Variants in RAD23B observed in about 807,000 individuals in gnomAD.
RAD23B encodes RAD23 nucleotide excision repair protein B.
A neutral mutation model predicts 49.1 loss-of-function variants in RAD23B; 5 were observed. The ratio of observed to expected loss-of-function variants is 0.10; its 90% confidence interval spans 0.05 to 0.21. The LOEUF is 0.21. RAD23B is among the 10% of genes least tolerant of loss of function. RAD23B has a pLI of 1.00. For missense variants in RAD23B, 356 were observed against 486.7 expected, an observed-to-expected ratio of 0.73 and a Z score of 2.53; for synonymous variants, 184 against 165.4, an observed-to-expected ratio of 1.11 and a Z score of -0.86.
rs1827046138 is a variant in RAD23B at position 107,318,731 on chromosome 9, C to G, written c.554-21C>G. 1 of 1,588,648 alleles carries G rather than the reference C, an allele frequency of 6.3e-7. No homozygotes were observed. The highest frequency in any genetic ancestry group is 1.4e-5 in the African/African-American group (1 of 73,774). The stretch of plus-strand genomic sequence containing the variant: ...TATTTATTAAATGTTCCTTTTTTTC[C>G]CCTCCACCCTCCCTTTTTAGTGACG... On this transcript the variant is annotated intron_variant, in intron 5 of 9. Coordinates refer to ENST00000358015, the MANE Select transcript of RAD23B (RefSeq NM_002874.5). This position sits in a 1 kb window ranked among gnomAD's most constrained non-coding sequence, Gnocchi z 4.3.
chr9:107,301,903 G>A, intron 2 of RAD23B, 132 bp from the exon 3 acceptor site: 2 of 1,278,176 alleles, frequency 1.6e-6, no homozygotes, highest in Non-Finnish European at 2.1e-6. Flanking sequence ...AGTATTAACT[G>A]ATAGAATTTA....
intron 3 of RAD23B, 109 bp from the exon 4 acceptor site, chr9:107,306,269 AG>A (rs1401013223): frequency 2.0e-6 from 2 of 976,594 alleles, no homozygotes; most frequent in Non-Finnish European, 3.0e-6. Flanking sequence ...TTCAAGTTAT[AG>A]GTTGTTATTA....
rs965865566 is a variant in RAD23B, at chr9:107,293,381, C to G, written c.67-6760C>G. On this transcript the variant is annotated intron_variant, in intron 1 of 9. Transcript: ENST00000358015. ...TCTTGGGTGTTGGCTACTACAACCT[C>G]ATAGAGATGTAGTACAGATTAAAAG... is the stretch of plus-strand genomic sequence containing the variant. 1.1e-4 allele frequency among the ~76,000 whole-genome samples: 16 copies of G among 152,278 alleles called. No individual in the cohort carries two copies. The East Asian group carries it at 3.1e-3, about 29-fold the overall frequency.
intron 1 of RAD23B, among the ~76,000 whole-genome samples, chr9:107,295,243 G>C (rs576909651): frequency 2.0e-5 from 3 of 151,110 alleles, no homozygotes; most frequent in Non-Finnish European, 4.4e-5. Context: ...ATTAGATTGT[G>C]GGGGGAGAGA....
intron 4 of RAD23B, 104 bp downstream of exon 4, chr9:107,306,751 A>T (rs1826786498): frequency 7.0e-6 from 9 of 1,278,442 alleles, no homozygotes; most frequent in Non-Finnish European, 6.5e-6. Context: ...TATATCTATT[A>T]CGTTAAGCTT....
intron 5 of RAD23B, among the ~76,000 whole-genome samples, chr9:107,315,650 A>T (rs1454211664): frequency 6.6e-6 from 1 of 151,972 alleles, no homozygotes; most frequent in Admixed American, 6.6e-5. Context: ...AGTAGCTGGG[A>T]TTACAGGCGC....
rs1384142392 is a variant in RAD23B at position 107,323,886 on chromosome 9, T to G, written c.818-4T>G. 6.2e-7 allele frequency: 1 copy of G among 1,603,666 alleles called. No homozygotes were observed. The highest frequency in any genetic ancestry group is 1.7e-5 in the Admixed American group (1 of 60,002). On this transcript the variant is annotated splice_region_variant and splice_polypyrimidine_tract_variant and intron_variant, in intron 7 of 9. Transcript: ENST00000358015. ...TTGTTTAGAAATGTTTATGTGTATT[T>G]TAGGACATCCCCTTGAATTTTTACG... is the stretch of plus-strand genomic sequence containing the variant.
chr9:107,298,010 A>G lies in RAD23B; in HGVS notation c.67-2131A>G, dbSNP rs557054571. ...CCCACTCCATGCCAAGCCACTATGT[A>G]TTGTTCTGAGAACTGGGTTTATGCA... On this transcript the variant is annotated intron_variant, in intron 1 of 9. Transcript: ENST00000358015. Among the ~76,000 whole-genome samples, 333 of 152,268 alleles carry G rather than the reference A, an allele frequency of 2.2e-3. 1 individual carries two copies. The highest frequency in any genetic ancestry group is 3.6e-3 in the Admixed American group (55 of 15,292).
intron 7 of RAD23B, 151 bp downstream of exon 7, chr9:107,322,269 A>G (rs192636418): frequency 4.1e-5 from 42 of 1,015,366 alleles, no homozygotes; most frequent in Admixed American, 1.1e-4. Flanking sequence ...AGAAAGGCCC[A>G]AAAGAAACTT....
In RAD23B at chr9:107,328,074, A is replaced by G. The variant is rs546173053; in HGVS notation, c.1117-1469A>G. Among the ~76,000 whole-genome samples the G allele has an allele frequency of 2.0e-5, 3 of 152,132 alleles. No individual in the cohort carries two copies. In the South Asian group the frequency reaches 6.2e-4, roughly 32 times the overall value. The stretch of plus-strand genomic sequence containing the variant: ...TACTTTCAACCTACTTGTGTCTTTG[A>G]ATCTAAATTGTGTGTTTTGTAGAAG... On this transcript the variant is annotated intron_variant, in intron 9 of 9. Transcript: ENST00000358015.
intron 2 of RAD23B, among the ~76,000 whole-genome samples, chr9:107,300,478 T>C (rs1454063191): frequency 6.6e-6 from 1 of 152,114 alleles, no homozygotes; most frequent in Admixed American, 6.5e-5. Context: ...GGCTTTTGTT[T>C]TTTTAATCAA....
intron 1 of RAD23B, among the ~76,000 whole-genome samples, chr9:107,294,663 T>TG (rs1826461317): frequency 1.3e-5 from 2 of 152,212 alleles, no homozygotes; most frequent in Non-Finnish European, 2.9e-5. Context: ...TTAGACACAG[T>TG]TCTTCTACAG....
At chr9:107,312,597 G>A (rs1304139149) in intron 5 of RAD23B, among the ~76,000 whole-genome samples, 1 of 152,156 alleles carries the variant, frequency 6.6e-6, no homozygotes, top group African/African-American at 2.4e-5. Context: ...GATCGCCTGG[G>A]TGTGACAACC....
In RAD23B at chr9:107,283,571, AC is replaced by A; in HGVS notation, c.-55del. On this transcript the variant is annotated 5_prime_UTR_variant, in exon 1 of 10. Coordinates refer to ENST00000358015, the MANE Select transcript of RAD23B (RefSeq NM_002874.5). ...ACCCCGGGGCCCCGCCAGGCCACAG[AC>A]CCCGCCCAGCGGCCAGCACCCGGCG... The A allele has an allele frequency of 1.4e-6, 2 of 1,397,760 alleles. No individual in the cohort carries two copies. Among genetic ancestry groups the A allele is most frequent in the Non-Finnish European group, 1.9e-6 (2 of 1,049,258 alleles). 86.6% of individuals were successfully genotyped at this position (1,397,760 alleles called of 1,614,324 possible).
chr9:107,305,375 G>A (rs1587854100), intron 3 of RAD23B, among the ~76,000 whole-genome samples: 1 of 152,124 alleles, frequency 6.6e-6, no homozygotes, highest in African/African-American at 2.4e-5. Flanking sequence ...TCATCATAAA[G>A]GTCTTCATCC....
chr9:107,290,959 G>A (rs903098100), intron 1 of RAD23B, among the ~76,000 whole-genome samples: 1 of 152,188 alleles, frequency 6.6e-6, no homozygotes, highest in Non-Finnish European at 1.5e-5. Flanking sequence ...TCGTACGAAG[G>A]ACACTACACC....
chr9:107,287,273 A>G (rs2133061117), intron 1 of RAD23B, among the ~76,000 whole-genome samples: 1 of 152,324 alleles, frequency 6.6e-6, no homozygotes, highest in South Asian at 2.1e-4. Context: ...GCATCACTGA[A>G]ATGGTGACAA....
At chr9:107,307,570 C>G (rs921855917) in intron 4 of RAD23B, among the ~76,000 whole-genome samples, 1 of 152,190 alleles carries the variant, frequency 6.6e-6, no homozygotes, top group African/African-American at 2.4e-5. Context: ...GAGTCAGAAT[C>G]AGACACAGTG....
At chr9:107,301,950 C>A in intron 2 of RAD23B, 85 bp from the exon 3 acceptor site, 2 of 1,476,874 alleles carry the variant, frequency 1.4e-6, no homozygotes, top group Non-Finnish European at 1.8e-6. Flanking sequence ...CTGAAATATT[C>A]ATATTTCGAG....
Sources: allele counts gnomAD v4.1 joint callset (sites outside exome capture counted in the v4.1 genomes callset), GRCh38; gene constraint gnomAD v4.1.1; non-coding constraint Gnocchi (gnomAD v3.1); transcripts MANE v1.5; gene names NCBI Gene and HGNC (gene_info 2026-07-23, HGNC 2026-07-21).